The following MRO variants were observed in gnomAD, a reference collection of about 807,000 sequenced individuals.
MRO encodes protein maestro.
In MRO, 28 loss-of-function variants were observed where a neutral mutation model predicts 31.0. The ratio of observed to expected loss-of-function variants is 0.90; its 90% CI spans 0.67 to 1.24. The LOEUF (loss-of-function observed/expected upper bound fraction) is 1.24, where lower values mean the gene tolerates loss of function less well. MRO is among the 50% of genes most tolerant of loss of function. The pLI is 0.00. For missense variants in MRO, 332 were observed against 289.2 expected (o/e 1.15, Z -1.07); for synonymous variants, 108 against 108.4 (o/e 1.00, Z 0.02).
chr18:50,810,436 C>T (rs1236671258), intron 2 of MRO, among the ~76,000 whole-genome samples: 2 of 152,010 alleles, frequency 1.3e-5, no homozygotes, highest in Non-Finnish European at 2.9e-5. Flanking sequence ...AGAATGAGGG[C>T]AGGAAATACA....
At chr18:50,817,000 A>G (rs561810985) in intron 2 of MRO, among the ~76,000 whole-genome samples, 128 of 152,314 alleles carry the variant, frequency 8.4e-4, no homozygotes, top group African/African-American at 2.9e-3. Context: ...TTAGCCAGCC[A>G]AGGCAACTTC....
chr18:50,801,469 C>G lies in MRO; in HGVS notation c.465G>C (p.Leu155Phe), dbSNP rs201009739. 7 of 1,611,278 alleles carry G rather than the reference C, an allele frequency of 4.3e-6. No individual in the cohort carries two copies. Among genetic ancestry groups the G allele is most frequent in the Non-Finnish European group, 4.2e-6 (5 of 1,178,660 alleles). The change falls in exon 6 of 8, where the codon TTG becomes TTC. Residue 155 changes from leucine (L) to phenylalanine (F), a missense_variant. Leu to Phe is a conservative substitution (Grantham distance 22). Coordinates refer to ENST00000398439, the MANE Select transcript of MRO (RefSeq NM_031939.6). ...NDSLRYSAFV[L>F]FGQLAAFAGR... is the part of the protein sequence containing the mutation. ...CGGCAAAGGCAGCCAATTGCCCAAACAAAACAAAGGCCGAGTATCTCAGAC... is the reference window on the plus strand; with the variant it reads ...CGGCAAAGGCAGCCAATTGCCCAAAGAAAACAAAGGCCGAGTATCTCAGAC...
At chr18:50,809,142 CTCAAA>C (rs1228218336) in intron 3 of MRO, among the ~76,000 whole-genome samples, 155 bp downstream of exon 3, 26 of 66,476 alleles carry the variant, frequency 3.9e-4, no homozygotes, top group Non-Finnish European at 5.9e-4. Context: ...GAGACTCCGT[CTCAAA>C]AAAAAAAAAA....
intron 5 of MRO, among the ~76,000 whole-genome samples, chr18:50,803,930 G>A (rs914166422): frequency 3.9e-5 from 6 of 152,266 alleles, no homozygotes; most frequent in African/African-American, 1.4e-4. Flanking sequence ...TTGTTAGCTT[G>A]CAGTCAGGGT....
In MRO at chr18:50,799,161, A is replaced by G. The variant is rs1180974887; in HGVS notation, c.*176T>C. On this transcript the variant is annotated 3_prime_UTR_variant, in exon 8 of 8. Coordinates refer to ENST00000398439, the MANE Select transcript of MRO (RefSeq NM_031939.6). Reference sequence around the variant, plus strand: ...AAAGCAGTCTAGAATTTTACTTTAGATAAAATCATACAATTCCATGTATTA... The same window carrying G: ...AAAGCAGTCTAGAATTTTACTTTAGGTAAAATCATACAATTCCATGTATTA... 3.1e-5 allele frequency: 18 copies of G among 587,152 alleles called. No homozygotes were observed. In the Admixed American group the frequency reaches 4.9e-4, roughly 16 times the overall value. The allele number at this position is 587,152 out of a possible 1,614,324, so 36.4% of individuals were successfully genotyped here.
In MRO at chr18:50,818,459, G is replaced by A. The variant is rs141438452; in HGVS notation, c.-5+1122C>T. ...TGGTTTTCACGAACCCCAAGACCCC[G>A]GCTGGGGCTTGTGTTCATTGCCAGG... On this transcript the variant is annotated intron_variant, in intron 2 of 7. Coordinates refer to ENST00000398439, the MANE Select transcript of MRO (RefSeq NM_031939.6). Among the ~76,000 whole-genome samples, 49 of 152,196 alleles carry A rather than the reference G, an allele frequency of 3.2e-4. 1 individual carries two copies. The East Asian group carries it at 8.3e-3, about 26-fold the overall frequency.
chr18:50,803,257 C>T (rs1913575652), intron 5 of MRO, among the ~76,000 whole-genome samples: 2 of 152,126 alleles, frequency 1.3e-5, no homozygotes, highest in Admixed American at 6.5e-5. Flanking sequence ...TGCCTGAAAT[C>T]CCAGCCCTTT....
At chr18:50,822,429 C>T, upstream of MRO, among the ~76,000 whole-genome samples, 1 of 152,178 alleles carries the variant, frequency 6.6e-6, no homozygotes, top group African/African-American at 2.4e-5. Flanking sequence ...ACCTCCGCCT[C>T]CCAGGTTCAA....
chr18:50,804,285 C>A (rs1913698817), intron 5 of MRO, among the ~76,000 whole-genome samples: 1 of 151,912 alleles, frequency 6.6e-6, no homozygotes, highest in Non-Finnish European at 1.5e-5. Context: ...ACATGTTAGT[C>A]AATCAGTGTA....
chr18:50,809,573 G>T (rs940899392), intron 2 of MRO, among the ~76,000 whole-genome samples, 169 bp from the exon 3 acceptor site: 1 of 152,128 alleles, frequency 6.6e-6, no homozygotes, highest in African/African-American at 2.4e-5. Context: ...CAGATGAATA[G>T]CAACCCAAGG....
intron 1 of MRO, 32 bp from the exon 2 acceptor site, chr18:50,819,734 C>T (rs1442116196): frequency 1.3e-6 from 2 of 1,547,230 alleles, no homozygotes; most frequent in African/African-American, 1.4e-5. Context: ...TAGGAGGTGA[C>T]GCAGGGTCTG....
rs748744222 is a variant in MRO, at chr18:50,801,386, A to T, written c.548T>A (p.Leu183Gln). The change falls in exon 6 of 8, where the codon CTG becomes CAG. Residue 183 changes from leucine (L) to glutamine (Q), a missense_variant. Transcript: ENST00000398439. ...GGGATTTCTGTCCTGTAAATGGATC[A>T]GGAGGGAATCTCGTGTCTGCTTAAC... is the stretch of plus-strand genomic sequence containing the variant. ...SQVKQTRDSL[L>Q]IHLQDRNPQV... 42 of 1,610,088 alleles carry T rather than the reference A, an allele frequency of 2.6e-5. No individual in the cohort carries two copies. Among genetic ancestry groups the T allele is most frequent in the Non-Finnish European group, 3.4e-6 (4 of 1,177,672 alleles).
chr18:50,809,523 C>T, intron 2 of MRO, 119 bp from the exon 3 acceptor site: 1 of 592,546 alleles, frequency 1.7e-6, no homozygotes, highest in Non-Finnish European at 2.9e-6. Flanking sequence ...TGAGGCCTGT[C>T]TTTAGGAACC....
chr18:50,824,916 A>G (rs1915456913), upstream of MRO, among the ~76,000 whole-genome samples: 2 of 151,374 alleles, frequency 1.3e-5, no homozygotes, highest in Non-Finnish European at 2.9e-5. Context: ...CTCCACTAAA[A>G]ATACAAAAAT....
chr18:50,824,454 TC>T (rs1915426614), upstream of MRO, among the ~76,000 whole-genome samples: 2 of 146,048 alleles, frequency 1.4e-5, no homozygotes, highest in Admixed American at 1.4e-4. Context: ...TTTTTTTTTT[TC>T]TTTCTTTTTT....
upstream of MRO, among the ~76,000 whole-genome samples, chr18:50,821,058 A>G (rs572260866): frequency 6.6e-5 from 10 of 152,362 alleles, no homozygotes; most frequent in African/African-American, 2.2e-4. Context: ...GGCTATGAGG[A>G]AAGAGGAAAT....
intron 1 of MRO, 56 bp from the exon 2 acceptor site, chr18:50,819,758 G>A: frequency 6.5e-7 from 1 of 1,548,090 alleles, no homozygotes; most frequent in Non-Finnish European, 8.7e-7. Flanking sequence ...AGGATAACGG[G>A]TCGGCACAGA....
chr18:50,820,808 A>G (rs1350266551), upstream of MRO, among the ~76,000 whole-genome samples: 3 of 151,870 alleles, frequency 2.0e-5, no homozygotes, highest in Admixed American at 6.6e-5. Flanking sequence ...CCATGATGCT[A>G]TGCACTGGAC....
upstream of MRO, among the ~76,000 whole-genome samples, chr18:50,824,743 C>G (rs186432394): frequency 1.5e-3 from 223 of 147,548 alleles, 3 homozygotes; most frequent in African/African-American, 4.9e-3. Flanking sequence ...CATGAGCCAC[C>G]ACATTCAGCC....
Sources: allele counts gnomAD v4.1 joint callset (sites outside exome capture counted in the v4.1 genomes callset), GRCh38; gene constraint gnomAD v4.1.1; transcripts MANE v1.5; gene names NCBI Gene and HGNC (gene_info 2026-07-23, HGNC 2026-07-21).